The following DOCK8 variants were observed in gnomAD, a reference collection of about 807,000 sequenced individuals.
The protein encoded by DOCK8 is dedicator of cytokinesis 8.
In DOCK8, 141 loss-of-function variants were observed where a neutral mutation model predicts 245.6. The observed-to-expected ratio is 0.57, with a 90% CI of 0.50 to 0.66. DOCK8 has a LOEUF of 0.66. DOCK8 is among the 30% of genes least tolerant of loss of function. DOCK8 has a pLI of 0.00. For missense variants in DOCK8, 2,965 were observed against 2,603.4 expected (o/e 1.14, Z -3.02); for synonymous variants, 1,168 against 970.2 (o/e 1.20, Z -3.79).
In DOCK8 at chr9:399,088, T is replaced by G. The variant is rs561595395; in HGVS notation, c.3121-58T>G. The G allele has an allele frequency of 1.2e-5, 18 of 1,518,676 alleles. No homozygotes were observed. In the African/African-American group the frequency reaches 2.5e-4, roughly 21 times the overall value. The allele number at this position is 1,518,676 out of a possible 1,614,324, so 94.1% of individuals were successfully genotyped here. ...TCTCCCAATGTTCCCACCAGTGACC[T>G]GGAAGTTCAAATCCAGAGTGTCCCA... On this transcript the variant is annotated intron_variant, in intron 25 of 47. Coordinates refer to ENST00000432829, the MANE Select transcript of DOCK8 (RefSeq NM_203447.4).
chr9:213,283 G>C (rs2046650983), upstream of DOCK8: 1 of 152,130 alleles, frequency 6.6e-6, no homozygotes, highest in Non-Finnish European at 1.5e-5. Flanking sequence ...TGACACAGCT[G>C]AAACCAGGAA....
chr9:357,653 AGAG>A (rs2052509479), intron 14 of DOCK8, among the ~76,000 whole-genome samples: 1 of 151,898 alleles, frequency 6.6e-6, no homozygotes, highest in Non-Finnish European at 1.5e-5. Flanking sequence ...CCTGATGTTC[AGAG>A]TACAGTACCA....
At chr9:404,854 G>T (rs1228229408) in intron 26 of DOCK8, 64 bp from the exon 27 acceptor site, 2 of 1,583,116 alleles carry the variant, frequency 1.3e-6, no homozygotes, top group African/African-American at 1.3e-5. Flanking sequence ...TTTTGTGTCT[G>T]CCAACCTCAA....
intron 1 of DOCK8, 92 bp downstream of exon 1, chr9:215,121 G>A (rs780244566): frequency 1.4e-6 from 2 of 1,480,432 alleles, no homozygotes; most frequent in Admixed American, 2.4e-5. Context: ...GGCCGGACGA[G>A]TCCATTCGCG....
chr9:277,033 T>C, intron 2 of DOCK8: 1 of 287,456 alleles, frequency 3.5e-6, no homozygotes, highest in South Asian at 2.6e-5. Context: ...GGTCTTGAAC[T>C]CCTGAGCTTC....
intron 5 of DOCK8, among the ~76,000 whole-genome samples, chr9:306,517 G>A (rs12344657): frequency 0.018 from 2,804 of 152,246 alleles, 68 homozygotes; most frequent in Admixed American, 0.049. Context: ...TGATTAAACC[G>A]GTTTTGGAGG....
chr9:325,558 A>G, intron 7 of DOCK8, 113 bp from the exon 8 acceptor site: 2 of 883,250 alleles, frequency 2.3e-6, no homozygotes, highest in Non-Finnish European at 3.8e-6. Flanking sequence ...AGTTTTCCAA[A>G]TATTTCGGGA....
intron 41 of DOCK8, 108 bp from the exon 42 acceptor site, chr9:441,767 T>C: frequency 7.2e-7 from 1 of 1,391,786 alleles, no homozygotes; most frequent in Non-Finnish European, 1.0e-6. Flanking sequence ...ACATCAGCCA[T>C]AGGAGTAAAA....
rs915935881 is a variant in DOCK8, at chr9:341,552, C to T, written c.1679+1231C>T. On this transcript the variant is annotated intron_variant, in intron 14 of 47. Coordinates refer to ENST00000432829, the MANE Select transcript of DOCK8 (RefSeq NM_203447.4). ...TTTATCCCCAGTCTCCAGTCACAGACTTTTACCTCACCTCCTAGACTTTTA... is the reference window on the plus strand; with the variant it reads ...TTTATCCCCAGTCTCCAGTCACAGATTTTTACCTCACCTCCTAGACTTTTA... Among the ~76,000 whole-genome samples, 8 of 152,194 alleles carry T rather than the reference C, an allele frequency of 5.3e-5. 1 individual carries two copies. The highest frequency in any genetic ancestry group is 1.0e-4 in the Non-Finnish European group (7 of 68,034).
rs1554694106 is a variant in DOCK8 at position 403,942 on chromosome 9, A to ATATATATATATGTATATATATATG, written c.3235-975_3235-974insATATATATATGTATATATATATGT. ...CATATATATATATGTGTATATATAT[A>ATATATATATATGTATATATATATG]TGTGTATATATATATATGTATATAT... On this transcript the variant is annotated intron_variant, in intron 26 of 47. Transcript: ENST00000432829. 7.3e-5 allele frequency among the ~76,000 whole-genome samples: 6 copies of ATATATATATATGTATATATATATG among 81,846 alleles called. No individual in the cohort carries two copies. In the Admixed American group the frequency reaches 8.0e-4, roughly 11 times the overall value. The allele number at this position is 81,846 out of a possible 152,430, so 53.7% of individuals were successfully genotyped here.
chr9:336,491 G>C, intron 11 of DOCK8, 91 bp from the exon 12 acceptor site: 1 of 1,554,524 alleles, frequency 6.4e-7, no homozygotes. Flanking sequence ...TTCCTGATCA[G>C]TGACTTTAAT....
chr9:452,249 A>T (rs913467040), intron 46 of DOCK8, 132 bp downstream of exon 46: 17 of 653,958 alleles, frequency 2.6e-5, no homozygotes, highest in Admixed American at 4.3e-5. Flanking sequence ...GACCTGCTGA[A>T]TTGGAATCTC....
chr9:372,326 T>C, intron 18 of DOCK8, 40 bp downstream of exon 18: 1 of 1,536,392 alleles, frequency 6.5e-7, no homozygotes, highest in Non-Finnish European at 9.0e-7. Flanking sequence ...CTTGTCCAGC[T>C]GTAGTCTTGG....
chr9:232,622 T>C (rs2047142285), intron 1 of DOCK8, among the ~76,000 whole-genome samples: 1 of 152,182 alleles, frequency 6.6e-6, no homozygotes, highest in African/African-American at 2.4e-5. Flanking sequence ...GGTTTAGTCT[T>C]GGGAGGGTGT....
intron 1 of DOCK8, chr9:215,306 C>T (rs1308405439): frequency 1.2e-6 from 2 of 1,606,348 alleles, no homozygotes; most frequent in Non-Finnish European, 1.7e-6. Context: ...ACCTCGCCCG[C>T]TCCGCCCTCC....
rs775232037 is a variant in DOCK8 at position 360,321 on chromosome 9, T to TAAA, written c.1680-7697_1680-7696insAAA. On this transcript the variant is annotated intron_variant, in intron 14 of 47. Transcript: ENST00000432829. ...ACAGAGCAAGACTCCATCTCAAAAT[T>TAAA]TAAAAAAAAAAAAAAAGAATAAAAT... Among the ~76,000 whole-genome samples the TAAA allele has an allele frequency of 5.1e-4, 73 of 142,486 alleles. 1 individual carries two copies. The highest frequency in any genetic ancestry group is 1.6e-3 in the African/African-American group (63 of 39,724). 93.5% of individuals were successfully genotyped at this position (142,486 alleles called of 152,430 possible). A position where few individuals can be genotyped will look rare whatever the true frequency, so the allele number is the denominator to read the frequency against.
At chr9:333,389 CAG>C (rs1563931522) in intron 10 of DOCK8, among the ~76,000 whole-genome samples, 3 of 152,190 alleles carry the variant, frequency 2.0e-5, no homozygotes, top group African/African-American at 4.8e-5. Context: ...ATCATGAGGT[CAG>C]AAGATTGAGA....
intron 1 of DOCK8, among the ~76,000 whole-genome samples, chr9:229,890 A>ATTTT (rs2047069504): frequency 6.6e-6 from 1 of 151,428 alleles, no homozygotes; most frequent in Non-Finnish European, 1.5e-5. Context: ...TTATTTATTT[A>ATTTT]TTTTTAAATT....
rs2131641298 is a variant in DOCK8, at chr9:420,937, T to C, written c.4024-12T>C. ...ACCAAAGGACATGTCCTCCTACCTC[T>C]GTCTTGTCCAGGGAAAACAGAGTTC... On this transcript the variant is annotated splice_polypyrimidine_tract_variant and intron_variant, in intron 31 of 47. Coordinates refer to ENST00000432829, the MANE Select transcript of DOCK8 (RefSeq NM_203447.4). 1 of 1,614,180 alleles carries C rather than the reference T, an allele frequency of 6.2e-7. No individual in the cohort carries two copies. The highest frequency in any genetic ancestry group is 1.3e-5 in the African/African-American group (1 of 75,060).
Sources: allele counts gnomAD v4.1 joint callset (sites outside exome capture counted in the v4.1 genomes callset), GRCh38; gene constraint gnomAD v4.1.1; transcripts MANE v1.5; gene names NCBI Gene and HGNC (gene_info 2026-07-23, HGNC 2026-07-21).